The following UBE2O variants were observed in gnomAD, a reference collection of about 807,000 sequenced individuals.
UBE2O encodes ubiquitin conjugating enzyme E2 O.
A neutral mutation model predicts 125.8 loss-of-function variants in UBE2O; 15 were observed. The ratio of observed to expected loss-of-function variants is 0.12; its 90% CI spans 0.08 to 0.18. The LOEUF (loss-of-function observed/expected upper bound fraction) is 0.18, where lower values mean the gene tolerates loss of function less well. UBE2O is among the 10% of genes least tolerant of loss of function. The pLI is 1.00. For synonymous variants in UBE2O, 708 were observed against 703.2 expected (o/e 1.01, Z -0.11); for missense variants, 1,280 against 1,723.6 (o/e 0.74, Z 4.56).
intron 15 of UBE2O, among the ~76,000 whole-genome samples, chr17:76,393,984 A>G (rs1001844900): frequency 6.6e-6 from 1 of 152,206 alleles, no homozygotes; most frequent in Non-Finnish European, 1.5e-5. Context: ...AAAACAAAAA[A>G]TACTGTTTCC....
At chr17:76,442,857 G>A (rs694251) in intron 1 of UBE2O, among the ~76,000 whole-genome samples, 3,577 of 152,280 alleles carry the variant, frequency 0.023, 39 homozygotes, top group Middle Eastern at 0.034. Context: ...CCAGGGAGAA[G>A]GCTACACAGT....
intron 1 of UBE2O, among the ~76,000 whole-genome samples, chr17:76,443,063 C>T (rs2073099338): frequency 6.6e-6 from 1 of 152,064 alleles, no homozygotes; most frequent in Non-Finnish European, 1.5e-5. Context: ...ATCATGTCTG[C>T]CACTAACTTA....
rs2072123270 is a variant in UBE2O at position 76,392,099 on chromosome 17, A to C, written c.2961T>G (p.Ala987=). 1.0e-6 allele frequency: 1 copy of C among 1,004,040 alleles called. No individual in the cohort carries two copies. Among genetic ancestry groups the C allele is most frequent in the African/African-American group, 1.8e-5 (1 of 56,728 alleles). 62.2% of individuals were successfully genotyped at this position (1,004,040 alleles called of 1,614,324 possible). The change falls in exon 16 of 18, where the codon GCT becomes GCG. Residue 987 remains alanine (A), a synonymous_variant. Coordinates refer to ENST00000319380, the MANE Select transcript of UBE2O (RefSeq NM_022066.4). ...GGGTTCGAGTGGGGCCCTTGATGAG[A>C]GCTGAGAAGAGGTCCTAGGTAGGGA... ...TFEDRMDLFS[A]LIKGPTRTPY... is the part of the protein sequence containing the mutation.
At chr17:76,450,169 A>G (rs905723105) in intron 1 of UBE2O, among the ~76,000 whole-genome samples, 2 of 152,084 alleles carry the variant, frequency 1.3e-5, no homozygotes, top group African/African-American at 2.4e-5. Context: ...TCTTGGTCTA[A>G]TGGTCTTTCC....
rs779568832 is a variant in UBE2O, at chr17:76,399,755, C to A, written c.1322G>T (p.Ser441Ile). Residue 441 changes from serine to isoleucine, a missense_variant, in exon 9 of 18, where the codon AGT becomes ATT. By Grantham distance (142) the Ser-to-Ile change is moderately radical. Transcript: ENST00000319380. This position sits in a 1 kb window ranked among gnomAD's most constrained non-coding sequence, Gnocchi z 6.9. ...SPEETPDGSA[S>I]PVEMQDEGAE... ...ACCCTCGTCCTGCATCTCCACTGGA[C>A]TGGCAGAGCCATCGGGCGTCTCCTC... is the stretch of plus-strand genomic sequence containing the variant. 6 of 1,614,248 alleles carry A rather than the reference C, an allele frequency of 3.7e-6. No homozygotes were observed. Among genetic ancestry groups the A allele is most frequent in the Non-Finnish European group, 5.1e-6 (6 of 1,180,042 alleles).
chr17:76,445,575 T>C (rs1384736797), intron 1 of UBE2O, among the ~76,000 whole-genome samples: 3 of 152,222 alleles, frequency 2.0e-5, no homozygotes, highest in South Asian at 2.1e-4. Context: ...GAACACAGCC[T>C]ACCTGTGTCT....
In UBE2O at chr17:76,401,164, G is replaced by A; in HGVS notation, c.751-10C>T. On this transcript the variant is annotated splice_polypyrimidine_tract_variant and intron_variant, in intron 5 of 17. Transcript: ENST00000319380. ...CATCGAAGAAGAGACCCTGCGGGAT[G>A]TGGGGCCAAAGGAAAGTCCCCGTGA... 1 of 1,612,670 alleles carries A rather than the reference G, an allele frequency of 6.2e-7. No individual in the cohort carries two copies. The highest frequency in any genetic ancestry group is 8.5e-7 in the Non-Finnish European group (1 of 1,179,430).
Position 76,402,823 on chromosome 17 carries a change from C to G in UBE2O, c.589-124G>C, listed in dbSNP as rs1033632135. Reference sequence around the variant, plus strand: ...GATCTAGACAGCTCACTGACTGGACCGGTTGGCTACTAGCCCTAAACAGCT... The same window carrying G: ...GATCTAGACAGCTCACTGACTGGACGGGTTGGCTACTAGCCCTAAACAGCT... On this transcript the variant is annotated intron_variant, in intron 3 of 17. Coordinates refer to ENST00000319380, the MANE Select transcript of UBE2O (RefSeq NM_022066.4). This position sits in a 1 kb window ranked among gnomAD's most constrained non-coding sequence, Gnocchi z 5.4. The G allele has an allele frequency of 1.6e-5, 13 of 793,302 alleles. No individual in the cohort carries two copies. Among genetic ancestry groups the G allele is most frequent in the Middle Eastern group, 3.5e-4 (1 of 2,818 alleles). 49.1% of individuals were successfully genotyped at this position (793,302 alleles called of 1,614,324 possible).
intron 1 of UBE2O, among the ~76,000 whole-genome samples, chr17:76,435,425 C>T (rs896961440): frequency 6.9e-6 from 1 of 145,762 alleles, no homozygotes; most frequent in South Asian, 2.1e-4. Flanking sequence ...CATACACACA[C>T]ACACACACAC....
chr17:76,445,680 C>T (rs1445832413), intron 1 of UBE2O, among the ~76,000 whole-genome samples: 2 of 152,176 alleles, frequency 1.3e-5, no homozygotes, highest in East Asian at 1.9e-4. Flanking sequence ...GTATAGCTAA[C>T]GAATGAAACA....
In UBE2O at chr17:76,410,594, C is replaced by A. The variant is rs557373039; in HGVS notation, c.418-5022G>T. On this transcript the variant is annotated intron_variant, in intron 1 of 17. Coordinates refer to ENST00000319380, the MANE Select transcript of UBE2O (RefSeq NM_022066.4). This position sits in a 1 kb window ranked among gnomAD's most constrained non-coding sequence, Gnocchi z 4.0. The stretch of plus-strand genomic sequence containing the variant: ...TGGATACATCAAGTAGGAAAGCAAT[C>A]AAATGGTAAGTGAGGGGTCAGGGAC... 7.2e-5 allele frequency among the ~76,000 whole-genome samples: 11 copies of A among 152,158 alleles called. No homozygotes were observed. The highest frequency in any genetic ancestry group is 7.3e-5 in the Non-Finnish European group (5 of 68,042).
At chr17:76,429,063 G>A (rs902055162) in intron 1 of UBE2O, among the ~76,000 whole-genome samples, 5 of 151,598 alleles carry the variant, frequency 3.3e-5, no homozygotes, top group African/African-American at 7.3e-5. Context: ...CACCATGCCC[G>A]GCTAATTTTT....
intron 1 of UBE2O, among the ~76,000 whole-genome samples, chr17:76,432,202 G>A (rs1390500872): frequency 1.3e-5 from 2 of 152,088 alleles, no homozygotes; most frequent in African/African-American, 2.4e-5. Flanking sequence ...ACACACACCC[G>A]ACACTCTCAT....
chr17:76,439,408 C>A (rs949448661), intron 1 of UBE2O, among the ~76,000 whole-genome samples: 4 of 152,132 alleles, frequency 2.6e-5, no homozygotes, highest in African/African-American at 7.2e-5. Flanking sequence ...GGTCCAAAGT[C>A]AAAAATTTTC....
intron 15 of UBE2O, among the ~76,000 whole-genome samples, chr17:76,394,382 G>A (rs1348791184): frequency 2.0e-5 from 3 of 152,162 alleles, no homozygotes; most frequent in Non-Finnish European, 4.4e-5. Context: ...TGCACTCAGC[G>A]CTGCCTCAGT....
chr17:76,437,900 G>A (rs1301452148), intron 1 of UBE2O, among the ~76,000 whole-genome samples: 1 of 152,216 alleles, frequency 6.6e-6, no homozygotes, highest in African/African-American at 2.4e-5. Context: ...ACAGCAATAA[G>A]AATTAAAGGA....
intron 1 of UBE2O, among the ~76,000 whole-genome samples, chr17:76,415,360 C>T (rs1004107046): frequency 2.0e-5 from 3 of 152,180 alleles, no homozygotes; most frequent in African/African-American, 7.2e-5. Context: ...GACTGGGTGG[C>T]TTGGAGAAGT....
Position 76,391,537 on chromosome 17 carries a change from T to C in UBE2O, c.3285A>G (p.Glu1095=), listed in dbSNP as rs374072444. 2 of 1,614,094 alleles carry C rather than the reference T, an allele frequency of 1.2e-6. No individual in the cohort carries two copies. Among genetic ancestry groups the C allele is most frequent in the Non-Finnish European group, 1.7e-6 (2 of 1,180,030 alleles). ...DSDRGLQEGY[E]NSRCYNEMAL... ...CCATCTCATTGTAACAGCGACTGTT[T>C]TCATAGCCTTCCTGCAGGCCTCGGT... is the stretch of plus-strand genomic sequence containing the variant. The change falls in exon 18 of 18, where the codon GAA becomes GAG. Residue 1095 remains glutamate (E), a synonymous_variant. Transcript: ENST00000319380. The surrounding 1 kb of genome is among the most constrained non-coding windows in gnomAD (Gnocchi z 8.4).
chr17:76,446,289 C>T (rs1224262281), intron 1 of UBE2O, among the ~76,000 whole-genome samples: 1 of 152,176 alleles, frequency 6.6e-6, no homozygotes, highest in African/African-American at 2.4e-5. Flanking sequence ...TGATCACGTG[C>T]CCAGGACTGT....
Sources: allele counts gnomAD v4.1 joint callset (sites outside exome capture counted in the v4.1 genomes callset), GRCh38; gene constraint gnomAD v4.1.1; non-coding constraint Gnocchi (gnomAD v3.1); transcripts MANE v1.5; gene names NCBI Gene and HGNC (gene_info 2026-07-23, HGNC 2026-07-21).